Variants in RORA observed in about 807,000 individuals in gnomAD.
The protein encoded by RORA is nuclear receptor ROR-alpha.
Under a neutral mutation model 69.5 loss-of-function variants are expected in RORA, and 7 were observed. The ratio of observed to expected loss-of-function variants is 0.10; its 90% CI spans 0.06 to 0.19. RORA has a LOEUF of 0.19. Ranked by LOEUF, RORA falls within the 10% of genes least tolerant of loss-of-function variation. The pLI is 1.00. For synonymous variants in RORA, 261 were observed against 240.8 expected (o/e 1.08, Z -0.78); for missense variants, 457 against 663.0 (o/e 0.69, Z 3.41).
rs1170299630 is a variant in RORA at position 61,171,498 on chromosome 15, T to A, written c.166+57555A>T. ...AGGCCCACACCCTAAGAACCACCCC[T>A]CTGCAGGGATCCGGAAGTAAATTTA... On this transcript the variant is annotated intron_variant, in intron 1 of 10. Coordinates refer to ENST00000335670, the MANE Select transcript of RORA (RefSeq NM_134261.3). Among the ~76,000 whole-genome samples, 8 of 152,126 alleles carry A rather than the reference T, an allele frequency of 5.3e-5. No individual in the cohort carries two copies. The East Asian group carries it at 1.5e-3, about 29-fold the overall frequency.
At chr15:60,796,363 C>T (rs1367679053) in intron 1 of RORA, among the ~76,000 whole-genome samples, 2 of 152,196 alleles carry the variant, frequency 1.3e-5, no homozygotes, top group Non-Finnish European at 2.9e-5. Context: ...CCTAGCAGGT[C>T]AGGCTGGGCC....
At chr15:61,089,670 T>C (rs1220187072) in intron 1 of RORA, among the ~76,000 whole-genome samples, 2 of 152,010 alleles carry the variant, frequency 1.3e-5, no homozygotes, top group Non-Finnish European at 2.9e-5. Flanking sequence ...ATCAAGAAAT[T>C]CTCCTTTAAA....
At chr15:60,861,169 G>T (rs2073432655) in intron 1 of RORA, among the ~76,000 whole-genome samples, 1 of 152,158 alleles carries the variant, frequency 6.6e-6, no homozygotes, top group African/African-American at 2.4e-5. Flanking sequence ...AATTGACAAT[G>T]CATGAGGAAA....
At chr15:60,729,285 C>A (rs1449406925) in intron 1 of RORA, among the ~76,000 whole-genome samples, 2 of 152,180 alleles carry the variant, frequency 1.3e-5, no homozygotes, top group African/African-American at 4.8e-5. Flanking sequence ...AACACATTAA[C>A]TGGAAATGCT....
intron 1 of RORA, among the ~76,000 whole-genome samples, chr15:60,976,801 C>T (rs1893883732): frequency 6.6e-6 from 1 of 152,122 alleles, no homozygotes; most frequent in Non-Finnish European, 1.5e-5. Flanking sequence ...TCCCTTGCAC[C>T]AGTTCTTTTG....
In RORA at chr15:61,064,485, G is replaced by T. The variant is rs900056675; in HGVS notation, c.166+164568C>A. On this transcript the variant is annotated intron_variant, in intron 1 of 10. Transcript: ENST00000335670. ...TACTCCCACACAAGCAAACTGCAGG[G>T]ATCTCAAACTTTAGAACCAAGAGAG... 4.6e-5 allele frequency among the ~76,000 whole-genome samples: 7 copies of T among 152,216 alleles called. No homozygotes were observed. The East Asian group carries it at 1.4e-3, about 29-fold the overall frequency.
chr15:60,992,078 A>C (rs16943451), intron 1 of RORA, among the ~76,000 whole-genome samples: 3,963 of 152,246 alleles, frequency 0.026, 169 homozygotes, highest in African/African-American at 0.087. Context: ...AAAAAGATCC[A>C]TATGAAAATG....
intron 1 of RORA, among the ~76,000 whole-genome samples, chr15:60,898,938 T>C (rs745488385): frequency 6.6e-6 from 1 of 152,190 alleles, no homozygotes; most frequent in Non-Finnish European, 1.5e-5. Context: ...GGCTTACTAA[T>C]AGATGAGACC....
chr15:61,087,173 C>T (rs1176892894), intron 1 of RORA, among the ~76,000 whole-genome samples: 2 of 152,030 alleles, frequency 1.3e-5, no homozygotes, highest in Non-Finnish European at 2.9e-5. Flanking sequence ...AAAAACAAAA[C>T]AAAACAAAAA....
chr15:60,773,136 G>C (rs765337265), intron 1 of RORA, among the ~76,000 whole-genome samples: 7 of 152,150 alleles, frequency 4.6e-5, no homozygotes, highest in Non-Finnish European at 1.0e-4. Flanking sequence ...TGCACCTGAA[G>C]GTTGTGAGGA....
chr15:60,879,076 C>G (rs1030249715), intron 1 of RORA, among the ~76,000 whole-genome samples: 1 of 152,164 alleles, frequency 6.6e-6, no homozygotes, highest in African/African-American at 2.4e-5. Flanking sequence ...CTTCTTGGCT[C>G]CCAAGGTCCT....
chr15:60,955,343 T>C (rs1484798077), intron 1 of RORA, among the ~76,000 whole-genome samples: 1 of 152,208 alleles, frequency 6.6e-6, no homozygotes, highest in Non-Finnish European at 1.5e-5. Flanking sequence ...GTGTATGTGT[T>C]ATTCAAGATT....
rs2066718201 is a variant in RORA, at chr15:60,537,558, T to A, written c.197-5707A>T. ...GTTTGCAGAGAGCTCTCATTACATC[T>A]CCATGTGGAAGGGGAACAGACCATC... On this transcript the variant is annotated intron_variant, in intron 2 of 10. Transcript: ENST00000335670. The surrounding 1 kb of genome is among the most constrained non-coding windows in gnomAD (Gnocchi z 4.9). Among the ~76,000 whole-genome samples the A allele has an allele frequency of 6.6e-6, 1 of 152,106 alleles. No individual in the cohort carries two copies. The highest frequency in any genetic ancestry group is 1.5e-5 in the Non-Finnish European group (1 of 68,014).
At chr15:60,792,985 C>T (rs1324315945) in intron 1 of RORA, among the ~76,000 whole-genome samples, 1 of 151,822 alleles carries the variant, frequency 6.6e-6, no homozygotes, top group African/African-American at 2.4e-5. Flanking sequence ...CAAATACTGT[C>T]TTTCCTGCTC....
intron 1 of RORA, among the ~76,000 whole-genome samples, chr15:60,935,664 C>T (rs1042086227): frequency 5.3e-5 from 8 of 152,192 alleles, no homozygotes; most frequent in Non-Finnish European, 8.8e-5. Context: ...TTTGCTTAAC[C>T]GGCCTTGAGG....
At chr15:60,859,895 C>T (rs537595105) in intron 1 of RORA, among the ~76,000 whole-genome samples, 1 of 152,148 alleles carries the variant, frequency 6.6e-6, no homozygotes, top group East Asian at 1.9e-4. Context: ...ATGCTGCAAC[C>T]CTCTCTCCTC....
chr15:60,945,174 C>T (rs1232102841), intron 1 of RORA, among the ~76,000 whole-genome samples: 2 of 152,190 alleles, frequency 1.3e-5, no homozygotes, highest in African/African-American at 4.8e-5. Context: ...TCCCTCCCCA[C>T]CCTCTCTCTG....
intron 1 of RORA, among the ~76,000 whole-genome samples, chr15:61,073,253 T>C (rs1230230523): frequency 6.6e-6 from 1 of 152,174 alleles, no homozygotes; most frequent in Non-Finnish European, 1.5e-5. Context: ...TGAGGCAAGG[T>C]AGAGGGCAGG....
intron 1 of RORA, among the ~76,000 whole-genome samples, chr15:60,851,761 TGA>T (rs141360122): frequency 2.2e-4 from 33 of 149,182 alleles, no homozygotes; most frequent in Non-Finnish European, 2.2e-4. Flanking sequence ...AGTGGGTGGG[TGA>T]GAGAGAGAGA....
Sources: allele counts gnomAD v4.1 joint callset (sites outside exome capture counted in the v4.1 genomes callset), GRCh38; gene constraint gnomAD v4.1.1; non-coding constraint Gnocchi (gnomAD v3.1); transcripts MANE v1.5; gene names NCBI Gene and HGNC (gene_info 2026-07-23, HGNC 2026-07-21).